Variants in TMEM131L observed in about 807,000 individuals in gnomAD.
The protein encoded by TMEM131L is transmembrane protein 131-like.
In TMEM131L, 54 loss-of-function variants were observed where a neutral mutation model predicts 192.2. That is an observed-to-expected ratio of 0.28 (90% confidence interval 0.23 to 0.35). The LOEUF is 0.35. TMEM131L is among the 10% of genes least tolerant of loss of function. The probability of loss-of-function intolerance (pLI) is 1.00; values close to 1 mark genes in which losing one functional copy is unlikely to be tolerated. For synonymous variants in TMEM131L, 701 were observed against 704.9 expected, an observed-to-expected ratio of 0.99 and a Z score of 0.09; for missense variants, 1,888 against 1,972.9, an observed-to-expected ratio of 0.96 and a Z score of 0.82.
intron 31 of TMEM131L, among the ~76,000 whole-genome samples, chr4:153,630,296 G>T (rs1409811692): frequency 6.6e-6 from 1 of 152,196 alleles, no homozygotes; most frequent in Non-Finnish European, 1.5e-5. Context: ...GTCCACAGGA[G>T]CCTACGCAGC....
intron 7 of TMEM131L, among the ~76,000 whole-genome samples, chr4:153,561,250 T>A (rs1728828736): frequency 6.6e-6 from 1 of 152,226 alleles, no homozygotes; most frequent in Non-Finnish European, 1.5e-5. Context: ...TATTGTTGAG[T>A]AGTAAATGTA....
chr4:153,564,676 ATTC>A (rs1180341320), intron 7 of TMEM131L, among the ~76,000 whole-genome samples: 3 of 151,896 alleles, frequency 2.0e-5, no homozygotes, highest in African/African-American at 7.3e-5. Context: ...CTTTTGTTGC[ATTC>A]TTCTTGTTGT....
intron 12 of TMEM131L, 67 bp downstream of exon 12, chr4:153,584,998 G>T (rs2150771885): frequency 8.1e-7 from 1 of 1,234,770 alleles, no homozygotes; most frequent in Non-Finnish European, 1.2e-6. Flanking sequence ...TCTAGAAATG[G>T]TTTAAAAATA....
intron 3 of TMEM131L, among the ~76,000 whole-genome samples, chr4:153,522,507 C>T: frequency 6.6e-6 from 1 of 152,144 alleles, no homozygotes; most frequent in Non-Finnish European, 1.5e-5. Flanking sequence ...CTGTGTGGCT[C>T]TTCCAGGAAG....
At chr4:153,603,527 T>A in intron 24 of TMEM131L, 75 bp downstream of exon 24, 6 of 1,459,308 alleles carry the variant, frequency 4.1e-6, no homozygotes, top group Non-Finnish European at 5.5e-6. Context: ...TGATTTAATT[T>A]TAAGTAAACA....
intron 3 of TMEM131L, among the ~76,000 whole-genome samples, chr4:153,490,861 G>C (rs1732725034): frequency 6.6e-6 from 1 of 151,138 alleles, no homozygotes; most frequent in Non-Finnish European, 1.5e-5. Flanking sequence ...GGCTGAGGCA[G>C]GAGAATGGCG....
At position 153,587,785 on chromosome 4, in the gene TMEM131L, A is replaced by G. The variant is rs779200174; in HGVS notation, c.1526A>G (p.His509Arg). 2 of 1,613,482 alleles carry G rather than the reference A, an allele frequency of 1.2e-6. No individual in the cohort carries two copies. Among genetic ancestry groups the G allele is most frequent in the South Asian group, 2.2e-5 (2 of 91,080 alleles). Reference sequence around the variant, plus strand: ...GAAGTGATAGCACATTGTGGCATGCATTATTTCATGGGAAAATCAAAAGCA... The same window carrying G: ...GAAGTGATAGCACATTGTGGCATGCGTTATTTCATGGGAAAATCAAAAGCA... ...GFEVIAHCGMHYFMGKSKAGN... is the reference protein window; with the variant it reads ...GFEVIAHCGMRYFMGKSKAGN... The change falls in exon 15 of 35, where the codon CAT becomes CGT. Residue 509 changes from histidine to arginine, a missense_variant. By Grantham distance (29) the His-to-Arg change is conservative (BLOSUM62 0). Coordinates refer to ENST00000409959, the MANE Select transcript of TMEM131L (RefSeq NM_001131007.2).
At chr4:153,627,461 C>A (rs1733926680) in intron 30 of TMEM131L, 144 bp from the exon 31 acceptor site, 4 of 606,690 alleles carry the variant, frequency 6.6e-6, no homozygotes, top group Non-Finnish European at 1.2e-5. Flanking sequence ...ACTTTACATC[C>A]TTTATATCTG....
In TMEM131L at chr4:153,540,107, G is replaced by A. The variant is rs562893695; in HGVS notation, c.240-9966G>A. ...GCCTGGGCAACAAGAGTGAAACTTT[G>A]TCTCAAAAATAAAAACAAAAAAACA... is the stretch of plus-strand genomic sequence containing the variant. On this transcript the variant is annotated intron_variant, in intron 3 of 34. Coordinates refer to ENST00000409959, the MANE Select transcript of TMEM131L (RefSeq NM_001131007.2). Among the ~76,000 whole-genome samples, 22 of 148,102 alleles carry A rather than the reference G, an allele frequency of 1.5e-4. No individual in the cohort carries two copies. The South Asian group carries it at 4.2e-3, about 28-fold the overall frequency.
At chr4:153,580,990 A>T in intron 8 of TMEM131L, 87 bp downstream of exon 8, 3 of 928,582 alleles carry the variant, frequency 3.2e-6, no homozygotes, top group Non-Finnish European at 5.1e-6. Context: ...GCTGTGGCTC[A>T]TGCCTGTAAT....
chr4:153,488,846 G>A (rs1168996601), intron 3 of TMEM131L, among the ~76,000 whole-genome samples: 4 of 152,162 alleles, frequency 2.6e-5, no homozygotes, highest in Admixed American at 6.5e-5. Context: ...TAGCTTCTGC[G>A]GGCTCGCCGG....
intron 3 of TMEM131L, among the ~76,000 whole-genome samples, chr4:153,525,526 G>A (rs796605682): frequency 9.8e-5 from 15 of 152,286 alleles, no homozygotes; most frequent in African/African-American, 3.6e-4. Context: ...TTTTAATAGA[G>A]ACAGGGTTTC....
intron 29 of TMEM131L, among the ~76,000 whole-genome samples, chr4:153,625,626 A>C (rs1464199368): frequency 2.6e-5 from 4 of 152,166 alleles, no homozygotes; most frequent in Non-Finnish European, 5.9e-5. Context: ...TTCCAATTTT[A>C]TACATATACA....
intron 23 of TMEM131L, 132 bp from the exon 24 acceptor site, chr4:153,603,171 A>C (rs1468611176): frequency 1.4e-6 from 1 of 738,562 alleles, no homozygotes; most frequent in Non-Finnish European, 2.1e-6. Context: ...TATGTGATAA[A>C]TCTTAGGGAA....
At chr4:153,611,681 T>C (rs1169424227) in intron 25 of TMEM131L, among the ~76,000 whole-genome samples, 1 of 152,196 alleles carries the variant, frequency 6.6e-6, no homozygotes, top group Non-Finnish European at 1.5e-5. Context: ...TTTCTGTCTC[T>C]ATGAATTCGA....
intron 17 of TMEM131L, 129 bp from the exon 18 acceptor site, chr4:153,592,346 T>A: frequency 1.5e-6 from 1 of 646,960 alleles, no homozygotes; most frequent in Non-Finnish European, 2.8e-6. Context: ...GCCATTTATT[T>A]CCTATGATGT....
intron 5 of TMEM131L, among the ~76,000 whole-genome samples, chr4:153,556,628 C>T (rs575286798): frequency 3.9e-5 from 6 of 152,076 alleles, no homozygotes; most frequent in Admixed American, 2.6e-4. Context: ...CATGTTTGCA[C>T]GTTGGTTATT....
Position 153,633,982 on chromosome 4 carries a change from G to C in TMEM131L, c.4329-210G>C, listed in dbSNP as rs60780905. Among the ~76,000 whole-genome samples, 4,427 of 152,254 alleles carry C rather than the reference G, an allele frequency of 0.029. 153 individuals are homozygous for C. The highest frequency in any genetic ancestry group is 0.088 in the African/African-American group (3,654 of 41,526). ...ATAGTTAAAAACAAGTGTGCTCCTA[G>C]TCCAGCCGTCCATCCTGCAGATGGC... On this transcript the variant is annotated intron_variant, in intron 32 of 34. Transcript: ENST00000409959.
chr4:153,591,175 C>G lies in TMEM131L; in HGVS notation c.1793C>G (p.Thr598Ser). The G allele has an allele frequency of 6.2e-7, 1 of 1,607,050 alleles. No individual in the cohort carries two copies. The highest frequency in any genetic ancestry group is 8.5e-7 in the Non-Finnish European group (1 of 1,175,986). ...GGCCTCATGTTAAACTTCAGCGCAA[C>G]TGCCCTTAGGAGCAGGATGGTGAGG... The part of the protein sequence containing the change: ...EPGLMLNFSA[T>S]ALRSRMIKYF... The change falls in exon 17 of 35, where the codon ACT (threonine) becomes AGT (serine). Residue 598 changes from threonine (T) to serine (S), a missense_variant. By Grantham distance (58) the Thr-to-Ser change is moderately conservative. Transcript: ENST00000409959.
Sources: gnomAD v4.1 joint callset for allele counts (sites outside exome capture counted in the v4.1 genomes callset) on GRCh38, gnomAD v4.1.1 for gene constraint, MANE v1.5 for transcripts, NCBI Gene and HGNC (gene_info 2026-07-23, HGNC 2026-07-21) for gene names.